TBC1D19: variants seen among roughly 807,000 people sequenced by gnomAD.
TBC1D19 encodes TBC1 domain family, member 19.
Under a neutral mutation model 89.0 loss-of-function variants are expected in TBC1D19, and 60 were observed. The ratio of observed to expected loss-of-function variants is 0.67; its 90% CI spans 0.55 to 0.84. The LOEUF (loss-of-function observed/expected upper bound fraction) is 0.84. TBC1D19 is among the 40% of genes least tolerant of loss of function. The pLI, the probability that TBC1D19 is intolerant of heterozygous loss-of-function variation, is 0.00. For missense variants in TBC1D19, 500 were observed against 610.8 expected, an observed-to-expected ratio of 0.82 and a Z score of 1.91; for synonymous variants, 189 against 199.7, an observed-to-expected ratio of 0.95 and a Z score of 0.45.
At chr4:26,607,659 A>C (rs979972932) in intron 1 of TBC1D19, among the ~76,000 whole-genome samples, 2 of 152,140 alleles carry the variant, frequency 1.3e-5, no homozygotes, top group African/African-American at 4.8e-5. Flanking sequence ...TATTTAATTA[A>C]AAAATTACAC....
At chr4:26,611,690 G>T (rs1741390015) in intron 1 of TBC1D19, among the ~76,000 whole-genome samples, 1 of 152,038 alleles carries the variant, frequency 6.6e-6, no homozygotes, top group Non-Finnish European at 1.5e-5. Context: ...TTAGTTATTA[G>T]CTAGAATTAT....
At chr4:26,673,431 A>ATG (rs1406390680) in intron 10 of TBC1D19, among the ~76,000 whole-genome samples, 2 of 19,872 alleles carry the variant, frequency 1.0e-4, no homozygotes, top group Non-Finnish European at 5.8e-4. Flanking sequence ...TTTCATATAT[A>ATG]TATATATATA....
At chr4:26,699,311 A>G (rs1715103429) in intron 13 of TBC1D19, among the ~76,000 whole-genome samples, 1 of 152,208 alleles carries the variant, frequency 6.6e-6, no homozygotes, top group Non-Finnish European at 1.5e-5. Flanking sequence ...AACCACAATG[A>G]GATACCATCC....
At position 26,672,151 on chromosome 4, in the gene TBC1D19, CT is replaced by C; in HGVS notation, c.672del (p.Phe224LeufsTer13). On this transcript the variant is annotated frameshift_variant, in exon 10 of 21. Coordinates refer to ENST00000264866, the MANE Select transcript of TBC1D19 (RefSeq NM_018317.4). LOFTEE classifies it high-confidence loss of function. ...TTTAATTTTTTTTTAATTTTTAGAA[CT>C]TTTTGAAAATGAACATGTACGTATT... ...IDDSTQVPPE[L>X]FENEHVRIGQ... 8.3e-7 allele frequency: 1 copy of C among 1,197,952 alleles called. No homozygotes were observed. The highest frequency in any genetic ancestry group is 1.1e-6 in the Non-Finnish European group (1 of 897,672). The allele number at this position is 1,197,952 out of a possible 1,614,324, so 74.2% of individuals were successfully genotyped here.
chr4:26,602,580 A>G (rs1014766245), intron 1 of TBC1D19, among the ~76,000 whole-genome samples: 1 of 151,674 alleles, frequency 6.6e-6, no homozygotes, highest in Non-Finnish European at 1.5e-5. Context: ...AGCTGGGACT[A>G]CAAGCGCCCG....
chr4:26,776,453 C>T, the TBC1D19 span, among the ~76,000 whole-genome samples: 1 of 152,070 alleles, frequency 6.6e-6, no homozygotes, highest in African/African-American at 2.4e-5. Context: ...ATATGTTTTT[C>T]CCAATTTTGC....
chr4:26,592,876 G>GTCTTCCA (rs1739916033), intron 1 of TBC1D19, among the ~76,000 whole-genome samples: 1 of 152,184 alleles, frequency 6.6e-6, no homozygotes, highest in Admixed American at 6.5e-5. Context: ...ATGCTCATGG[G>GTCTTCCA]TGGGAAGAAT....
intron 1 of TBC1D19, among the ~76,000 whole-genome samples, chr4:26,578,520 A>G (rs1387541): frequency 0.84 from 128,464 of 152,084 alleles, 58,266 homozygotes; most frequent in Non-Finnish European, 1. Context: ...GCAATGGAGG[A>G]AAGCCCAAAA....
the TBC1D19 span, among the ~76,000 whole-genome samples, chr4:26,784,408 C>T: frequency 6.6e-6 from 1 of 152,134 alleles, no homozygotes; most frequent in Non-Finnish European, 1.5e-5. Flanking sequence ...ATTGTGTCAG[C>T]CTCTTATCTC....
At chr4:26,656,987 T>TCTTCTTCTCCTTCTCCTTCTC (rs67034832) in intron 7 of TBC1D19, among the ~76,000 whole-genome samples, 10 of 17,818 alleles carry the variant, frequency 5.6e-4, no homozygotes, top group African/African-American at 8.6e-4. Flanking sequence ...TTCTTCTTCT[T>TCTTCTTCTCCTTCTCCTTCTC]CTTCTCCTTC....
At chr4:26,843,543 T>C in the TBC1D19 span, among the ~76,000 whole-genome samples, 7 of 151,606 alleles carry the variant, frequency 4.6e-5, no homozygotes, top group South Asian at 2.1e-4. Flanking sequence ...ACAGTAAATA[T>C]GACATCCGAG....
intron 8 of TBC1D19, among the ~76,000 whole-genome samples, chr4:26,664,732 C>T (rs904058021): frequency 5.3e-5 from 8 of 151,684 alleles, no homozygotes; most frequent in African/African-American, 1.9e-4. Flanking sequence ...AGCTCGAATG[C>T]CTGGGTTTAT....
the TBC1D19 span, among the ~76,000 whole-genome samples, chr4:26,816,125 C>A: frequency 2.2e-4 from 34 of 152,268 alleles, no homozygotes; most frequent in East Asian, 4.1e-3. Context: ...AGTTCAAAGG[C>A]AGTCACAGAC....
At chr4:26,636,718 G>A (rs1162651744) in intron 4 of TBC1D19, among the ~76,000 whole-genome samples, 1 of 151,834 alleles carries the variant, frequency 6.6e-6, no homozygotes, top group Non-Finnish European at 1.5e-5. Flanking sequence ...GTGATATGTT[G>A]GAAAATGTCC....
Position 26,718,002 on chromosome 4 carries a change from A to G in TBC1D19, c.1024A>G (p.Lys342Glu), listed in dbSNP as rs761406601. 1 of 1,611,314 alleles carries G rather than the reference A, an allele frequency of 6.2e-7. No individual in the cohort carries two copies. The highest frequency in any genetic ancestry group is 1.1e-5 in the South Asian group (1 of 90,836). Reference sequence around the variant, plus strand: ...TGCATTCAACAGTGCCTCGCCACCAAAATCATACATAAGAGGTAAATTTTT... The same window carrying G: ...TGCATTCAACAGTGCCTCGCCACCAGAATCATACATAAGAGGTAAATTTTT... ...HFAFNSASPP[K>E]SYIRGKLGLE... Residue 342 changes from lysine to glutamate, a missense_variant, in exon 14 of 21, where the codon AAA (lysine) becomes GAA (glutamate). This residue lies in a region of TBC1D19 where 220 missense variants were observed against 319.1 expected (regional missense o/e 0.69). Transcript: ENST00000264866.
intron 4 of TBC1D19, among the ~76,000 whole-genome samples, chr4:26,630,477 A>G (rs1394480336): frequency 1.3e-5 from 2 of 152,042 alleles, no homozygotes; most frequent in East Asian, 3.9e-4. Flanking sequence ...ATTATTATAT[A>G]ATAGCACAGG....
At chr4:26,794,563 C>G in the TBC1D19 span, among the ~76,000 whole-genome samples, 1 of 151,962 alleles carries the variant, frequency 6.6e-6, no homozygotes, top group African/African-American at 2.4e-5. Flanking sequence ...TACAAAATAT[C>G]AAAATTAATC....
chr4:26,799,684 CAG>C, the TBC1D19 span, among the ~76,000 whole-genome samples: 1 of 152,180 alleles, frequency 6.6e-6, no homozygotes, highest in Admixed American at 6.5e-5. Context: ...TGTGAGGACA[CAG>C]AAGGTGTCAT....
intron 11 of TBC1D19, among the ~76,000 whole-genome samples, chr4:26,679,995 G>A (rs1345416140): frequency 1.3e-5 from 2 of 152,168 alleles, no homozygotes; most frequent in African/African-American, 2.4e-5. Flanking sequence ...ATTGAATCAT[G>A]GGTGTGGTTT....
Sources: allele counts gnomAD v4.1 joint callset (sites outside exome capture counted in the v4.1 genomes callset), GRCh38; gene constraint gnomAD v4.1.1; regional missense constraint gnomAD v4.1.1; transcripts MANE v1.5; gene names NCBI Gene and HGNC (gene_info 2026-07-23, HGNC 2026-07-21).